The following CNIH3 variants were observed in gnomAD, a reference collection of about 807,000 sequenced individuals.
CNIH3 encodes protein cornichon homolog 3.
CNIH3 carries 14 observed loss-of-function variants against 24.1 expected under a neutral mutation model. That is an observed-to-expected ratio of 0.58 (90% CI 0.38 to 0.91). The LOEUF is 0.91. CNIH3 is among the 40% of genes least tolerant of loss of function. The probability of loss-of-function intolerance (pLI) is 0.00; values close to 1 mark genes in which losing one functional copy is unlikely to be tolerated. For missense variants in CNIH3, 178 were observed against 196.8 expected, an observed-to-expected ratio of 0.90 and a Z score of 0.57; for synonymous variants, 68 against 73.8, an observed-to-expected ratio of 0.92 and a Z score of 0.40.
intron 3 of CNIH3, among the ~76,000 whole-genome samples, chr1:224,728,085 T>C (rs1427754636): frequency 6.6e-6 from 1 of 152,148 alleles, no homozygotes; most frequent in Non-Finnish European, 1.5e-5. Flanking sequence ...CTGTAATCAG[T>C]CAGAGATTTG....
At chr1:224,687,579 C>G (rs1335266470) in intron 3 of CNIH3, among the ~76,000 whole-genome samples, 1 of 152,204 alleles carries the variant, frequency 6.6e-6, no homozygotes, top group Non-Finnish European at 1.5e-5. Context: ...CTCCAGTCCT[C>G]TTGCCCTAAG....
intron 1 of CNIH3, among the ~76,000 whole-genome samples, chr1:224,464,585 T>C (rs115372636): frequency 2.3e-3 from 358 of 152,348 alleles, no homozygotes; most frequent in African/African-American, 8.1e-3. Flanking sequence ...AAACTATCCT[T>C]TCTCCATTGG....
chr1:224,659,170 G>C (rs1344847885), intron 1 of CNIH3, among the ~76,000 whole-genome samples: 1 of 152,184 alleles, frequency 6.6e-6, no homozygotes. Context: ...TCTCATGAAA[G>C]CAGTTTGTTT....
At chr1:224,584,356 A>G (rs1393172507) in intron 5 of CNIH3, among the ~76,000 whole-genome samples, 2 of 152,224 alleles carry the variant, frequency 1.3e-5, no homozygotes, top group Non-Finnish European at 2.9e-5. Context: ...ACTTAAAGAC[A>G]ATATTATGCC....
chr1:224,473,804 G>C (rs1000512949), intron 1 of CNIH3, among the ~76,000 whole-genome samples: 3 of 152,080 alleles, frequency 2.0e-5, no homozygotes, highest in Non-Finnish European at 4.4e-5. Flanking sequence ...GGACCTAATA[G>C]ATATTTACAG....
chr1:224,548,873 G>C (rs930948341), intron 3 of CNIH3, among the ~76,000 whole-genome samples: 3 of 151,814 alleles, frequency 2.0e-5, no homozygotes, highest in African/African-American at 7.3e-5. Flanking sequence ...GTTATTCGTA[G>C]TATCCCAGGG....
At chr1:224,671,564 C>T (rs1282676896) in intron 1 of CNIH3, among the ~76,000 whole-genome samples, 1 of 152,244 alleles carries the variant, frequency 6.6e-6, no homozygotes, top group Non-Finnish European at 1.5e-5. Context: ...CTGCCCTCTT[C>T]AACCAGGTAG....
intron 1 of CNIH3, among the ~76,000 whole-genome samples, chr1:224,459,687 G>A (rs917555201): frequency 6.6e-6 from 1 of 152,016 alleles, no homozygotes; most frequent in African/African-American, 2.4e-5. Flanking sequence ...AAATATGGGG[G>A]TAGCGATGTG....
At chr1:224,730,221 A>G (rs1269140034) in intron 3 of CNIH3, 2 of 435,334 alleles carry the variant, frequency 4.6e-6, no homozygotes, top group East Asian at 3.7e-5. Context: ...TGTTAATAGT[A>G]AGCAGTGCAC....
At chr1:224,583,160 C>T (rs1280054917) in intron 4 of CNIH3, 4 of 152,174 alleles carry the variant, frequency 2.6e-5, no homozygotes, top group Non-Finnish European at 5.9e-5. Flanking sequence ...CTTACTGTCC[C>T]CAGGCACATG....
At chr1:224,628,930 G>A (rs1001231661) in intron 1 of CNIH3, among the ~76,000 whole-genome samples, 3 of 151,792 alleles carry the variant, frequency 2.0e-5, no homozygotes, top group Non-Finnish European at 2.9e-5. Flanking sequence ...CCAGGACCTG[G>A]AACTCCCCCC....
intron 3 of CNIH3, among the ~76,000 whole-genome samples, chr1:224,699,451 C>T (rs1687363045): frequency 6.6e-6 from 1 of 152,236 alleles, no homozygotes; most frequent in South Asian, 2.1e-4. Flanking sequence ...CATTCTTCTT[C>T]TCACAGGTCT....
intron 3 of CNIH3, among the ~76,000 whole-genome samples, chr1:224,726,754 G>C (rs1192364480): frequency 6.6e-6 from 1 of 152,112 alleles, no homozygotes; most frequent in Non-Finnish European, 1.5e-5. Context: ...CTTATATTGA[G>C]ATTTAGGATT....
In CNIH3 at chr1:224,469,985, A is replaced by G. The variant is rs533503315; in HGVS notation, n.203+35123A>G. On this transcript the variant is annotated intron_variant and non_coding_transcript_variant, in intron 1 of 5. Transcript: ENST00000471578. ...TTTTAAAAAACTGGGTGTATAATTTAAACTTGGCAGTTCTTTCTTTCAGTT... is the reference window on the plus strand; with the variant it reads ...TTTTAAAAAACTGGGTGTATAATTTGAACTTGGCAGTTCTTTCTTTCAGTT... Among the ~76,000 whole-genome samples the G allele has an allele frequency of 2.0e-5, 3 of 152,012 alleles. No homozygotes were observed. In the East Asian group the frequency reaches 5.8e-4, roughly 29 times the overall value.
chr1:224,509,846 C>T (rs1277489834), intron 1 of CNIH3, among the ~76,000 whole-genome samples: 2 of 152,240 alleles, frequency 1.3e-5, no homozygotes, highest in African/African-American at 2.4e-5. Context: ...ACCTCCTTCC[C>T]TCCTCAGAGC....
rs1408982529 is a variant in CNIH3 at position 224,616,987 on chromosome 1, G to C, written c.-188G>C. The C allele has an allele frequency of 7.1e-7, 1 of 1,409,840 alleles. No individual in the cohort carries two copies. The allele number at this position is 1,409,840 out of a possible 1,614,324, so 87.3% of individuals were successfully genotyped here. ...CCGGAGGGCCGGGTCTGGGGTCGCC[G>C]GAGCCTGCGGGAATCCAGCGCTTAT... On this transcript the variant is annotated 5_prime_UTR_variant, in exon 1 of 6. Transcript: ENST00000272133.
chr1:224,527,779 A>C (rs1302627446), intron 2 of CNIH3, among the ~76,000 whole-genome samples: 2 of 152,212 alleles, frequency 1.3e-5, no homozygotes, highest in Non-Finnish European at 2.9e-5. Flanking sequence ...TGTACATTAG[A>C]TGCATCAAAA....
upstream of CNIH3, among the ~76,000 whole-genome samples, chr1:224,512,130 G>A (rs1050834202): frequency 2.7e-5 from 4 of 150,600 alleles, no homozygotes; most frequent in East Asian, 2.0e-4. Context: ...AGCCGAGATC[G>A]TGCCATTGCA....
At chr1:224,566,979 C>T (rs1301158373) in intron 4 of CNIH3, among the ~76,000 whole-genome samples, 1 of 152,198 alleles carries the variant, frequency 6.6e-6, no homozygotes, top group African/African-American at 2.4e-5. Flanking sequence ...ATTACACTCC[C>T]ACCAACAGTG....
Sources: gnomAD v4.1 joint callset for allele counts (sites outside exome capture counted in the v4.1 genomes callset) on GRCh38, gnomAD v4.1.1 for gene constraint, MANE v1.5 for transcripts, NCBI Gene and HGNC (gene_info 2026-07-23, HGNC 2026-07-21) for gene names.